CHCHD6: variants seen among roughly 807,000 people sequenced by gnomAD.
CHCHD6 encodes the protein coiled-coil-helix-coiled-coil-helix domain containing 6.
CHCHD6 carries 28 observed loss-of-function variants against 32.3 expected under a neutral mutation model. That is an observed-to-expected ratio of 0.87 (90% CI 0.64 to 1.19). CHCHD6 has a LOEUF of 1.19. Ranked by LOEUF, CHCHD6 falls within the 50% of genes most tolerant of loss-of-function variation. CHCHD6 has a pLI of 0.00. For synonymous variants in CHCHD6, 122 were observed against 117.5 expected (o/e 1.04, Z -0.25); for missense variants, 333 against 307.0 (o/e 1.08, Z -0.63).
At chr3:126,907,630 A>G (rs2078025376) in intron 5 of CHCHD6, among the ~76,000 whole-genome samples, 1 of 152,174 alleles carries the variant, frequency 6.6e-6, no homozygotes, top group African/African-American at 2.4e-5. Flanking sequence ...TTGAGTTCCA[A>G]ATCTCCCCAG....
chr3:126,937,870 G>T (rs1024460992), intron 6 of CHCHD6, among the ~76,000 whole-genome samples: 2 of 152,118 alleles, frequency 1.3e-5, no homozygotes, highest in East Asian at 1.9e-4. Context: ...GGTTACTTCT[G>T]GGGGAGCGGG....
chr3:126,736,960 A>G (rs569757934), intron 4 of CHCHD6, among the ~76,000 whole-genome samples: 1 of 152,292 alleles, frequency 6.6e-6, no homozygotes, highest in Admixed American at 6.5e-5. Context: ...GAGATTTACA[A>G]CCTTGCCTGT....
intron 4 of CHCHD6, among the ~76,000 whole-genome samples, chr3:126,769,568 A>G (rs1234608130): frequency 1.3e-5 from 2 of 152,000 alleles, no homozygotes; most frequent in Non-Finnish European, 2.9e-5. Flanking sequence ...CAGTGTTGCG[A>G]TCTTGGCTCA....
intron 5 of CHCHD6, among the ~76,000 whole-genome samples, chr3:126,862,488 C>T (rs1479203930): frequency 2.2e-5 from 3 of 136,900 alleles, no homozygotes; most frequent in African/African-American, 2.7e-5. Flanking sequence ...CCTCTTCCTC[C>T]ACCATCACCA....
In CHCHD6 at chr3:126,766,622, G is replaced by A. The variant is rs564957990; in HGVS notation, c.411+33400G>A. ...TTGTGGTCCCTTAGCCCAGTTCCCC[G>A]AAGGTCGGTGATGGGCCCCAGCTAT... On this transcript the variant is annotated intron_variant, in intron 4 of 7. Coordinates refer to ENST00000290913, the MANE Select transcript of CHCHD6 (RefSeq NM_032343.3). 5.4e-5 allele frequency: 57 copies of A among 1,060,820 alleles called. 1 individual carries two copies. Among genetic ancestry groups the A allele is most frequent in the South Asian group, 3.7e-4 (29 of 79,214 alleles). The allele number at this position is 1,060,820 out of a possible 1,614,324, so 65.7% of individuals were successfully genotyped here. A position where few individuals can be genotyped will look rare whatever the true frequency, so the allele number is the denominator to read the frequency against.
chr3:126,955,911 G>A (rs1165547583), intron 6 of CHCHD6, among the ~76,000 whole-genome samples: 1 of 152,176 alleles, frequency 6.6e-6, no homozygotes, highest in Non-Finnish European at 1.5e-5. Context: ...GTGGCCTGGG[G>A]ATGACATGGA....
chr3:126,907,346 C>T (rs2078021955), intron 5 of CHCHD6, among the ~76,000 whole-genome samples: 1 of 152,214 alleles, frequency 6.6e-6, no homozygotes, highest in African/African-American at 2.4e-5. Context: ...CATAAGTTTG[C>T]TAAGAACCAG....
intron 4 of CHCHD6, among the ~76,000 whole-genome samples, chr3:126,801,867 T>C (rs1051576234): frequency 3.4e-4 from 52 of 152,026 alleles, no homozygotes; most frequent in African/African-American, 1.2e-3. Context: ...GAGACAAAAC[T>C]TCCAGAGGAA....
chr3:126,748,429 T>G (rs765648251), intron 4 of CHCHD6, among the ~76,000 whole-genome samples: 1 of 152,004 alleles, frequency 6.6e-6, no homozygotes, highest in African/African-American at 2.4e-5. Flanking sequence ...ACCCCATCTC[T>G]ACTAAAAATA....
chr3:126,756,672 A>G (rs1405618640), intron 4 of CHCHD6, among the ~76,000 whole-genome samples: 2 of 152,228 alleles, frequency 1.3e-5, no homozygotes, highest in Non-Finnish European at 2.9e-5. Flanking sequence ...ACAGGGCATG[A>G]GAACTAAATG....
chr3:126,914,744 C>T lies in CHCHD6; in HGVS notation c.560C>T (p.Thr187Ile), dbSNP rs776051047. ...FHEAASKMES[T>I]IKPRRVEPVC... is the part of the protein sequence containing the mutation. ...GAGGCAGCCTCAAAGATGGAGAGCA[C>T]AATAAAGTAAGAATTTGTTTATTAT... The change falls in exon 6 of 8, where the codon ACA (threonine) becomes ATA (isoleucine). Residue 187 changes from threonine (T) to isoleucine (I), a missense_variant. Transcript: ENST00000290913. The T allele has an allele frequency of 1.3e-6, 2 of 1,553,058 alleles. No individual in the cohort carries two copies. The highest frequency in any genetic ancestry group is 4.5e-5 in the East Asian group (2 of 44,586).
intron 4 of CHCHD6, among the ~76,000 whole-genome samples, chr3:126,845,595 A>G (rs1037383000): frequency 1.3e-5 from 2 of 152,046 alleles, no homozygotes; most frequent in African/African-American, 4.8e-5. Context: ...TGCTTTGGAT[A>G]TTTAATATTG....
intron 5 of CHCHD6, among the ~76,000 whole-genome samples, chr3:126,901,513 T>A (rs6797984): frequency 0.056 from 8,577 of 152,190 alleles, 304 homozygotes; most frequent in East Asian, 0.16. Flanking sequence ...GGGAGCTGTC[T>A]GAGAGGGAGA....
intron 4 of CHCHD6, chr3:126,767,145 C>G: frequency 6.3e-7 from 1 of 1,585,460 alleles, no homozygotes; most frequent in South Asian, 1.1e-5. Context: ...TCATGGCACC[C>G]AAAGGAATAG....
At chr3:126,807,701 A>G (rs558025206) in intron 4 of CHCHD6, among the ~76,000 whole-genome samples, 5 of 152,326 alleles carry the variant, frequency 3.3e-5, no homozygotes, top group African/African-American at 1.2e-4. Flanking sequence ...ATAGACCTAT[A>G]CCAGGATACA....
At chr3:126,909,934 G>T (rs911174083) in intron 5 of CHCHD6, among the ~76,000 whole-genome samples, 1 of 152,168 alleles carries the variant, frequency 6.6e-6, no homozygotes, top group Non-Finnish European at 1.5e-5. Context: ...CGGCCTAGCC[G>T]GGGAGAGCTG....
chr3:126,725,199 A>G (rs931615360), intron 1 of CHCHD6, among the ~76,000 whole-genome samples: 1 of 152,266 alleles, frequency 6.6e-6, no homozygotes, highest in African/African-American at 2.4e-5. Context: ...TTCTTAAATA[A>G]TAAGACTTGA....
At position 126,774,031 on chromosome 3, in the gene CHCHD6, T is replaced by C. The variant is rs148922200; in HGVS notation, c.411+40809T>C. 9.6e-3 allele frequency among the ~76,000 whole-genome samples: 1,465 copies of C among 152,372 alleles called. 7 individuals are homozygous for C. Among genetic ancestry groups the C allele is most frequent in the Non-Finnish European group, 0.017 (1,164 of 68,040 alleles). On this transcript the variant is annotated intron_variant, in intron 4 of 7. Transcript: ENST00000290913. ...TAGTGGTTATAAAATGATGATTTTA[T>C]ATTTCTGTAATGTCTTCTATATTTA... is the stretch of plus-strand genomic sequence containing the variant.
intron 5 of CHCHD6, among the ~76,000 whole-genome samples, chr3:126,890,194 G>C (rs1014937091): frequency 6.6e-6 from 1 of 152,222 alleles, no homozygotes; most frequent in African/African-American, 2.4e-5. Context: ...GGTGGTAGGT[G>C]AAGCCGGGAG....
Sources: allele counts gnomAD v4.1 joint callset (sites outside exome capture counted in the v4.1 genomes callset), GRCh38; gene constraint gnomAD v4.1.1; transcripts MANE v1.5; gene names NCBI Gene and HGNC (gene_info 2026-07-23, HGNC 2026-07-21).